Variants in ABCA1 observed in about 807,000 individuals in gnomAD.
ABCA1 encodes the protein phospholipid-transporting ATPase ABCA1.
In ABCA1, 133 loss-of-function variants were observed where a neutral mutation model predicts 262.5. The observed-to-expected ratio is 0.51, with a 90% CI of 0.44 to 0.59. The LOEUF (loss-of-function observed/expected upper bound fraction) is 0.59, where lower values mean the gene tolerates loss of function less well. ABCA1 is among the 20% of genes least tolerant of loss of function. The pLI, the probability that ABCA1 is intolerant of heterozygous loss-of-function variation, is 0.00. For missense variants in ABCA1, 2,452 were observed against 2,777.5 expected (o/e 0.88, Z 2.63); for synonymous variants, 1,022 against 1,043.5 (o/e 0.98, Z 0.40).
intron 7 of ABCA1, among the ~76,000 whole-genome samples, chr9:104,849,990 CAA>C (rs1835232896): frequency 6.6e-6 from 1 of 152,184 alleles, no homozygotes; most frequent in African/African-American, 2.4e-5. Flanking sequence ...AACTGCAAGA[CAA>C]GAGTTATCTC....
At chr9:104,880,429 A>G (rs1479153172) in intron 5 of ABCA1, among the ~76,000 whole-genome samples, 1 of 151,616 alleles carries the variant, frequency 6.6e-6, no homozygotes, top group African/African-American at 2.4e-5. Context: ...GAGCCCAGGA[A>G]TTCGAGGCTG....
chr9:104,811,144 C>G (rs1379446249), intron 28 of ABCA1, among the ~76,000 whole-genome samples: 5 of 152,344 alleles, frequency 3.3e-5, no homozygotes, highest in African/African-American at 1.2e-4. Context: ...AACACAAGGC[C>G]AGAGGTTATG....
chr9:104,817,457 C>T lies in ABCA1; in HGVS notation c.3463-53G>A, dbSNP rs371034113. 3.3e-5 allele frequency: 53 copies of T among 1,594,526 alleles called. No homozygotes were observed. In the Middle Eastern group the frequency reaches 6.6e-4, roughly 20 times the overall value. On this transcript the variant is annotated intron_variant, in intron 23 of 49. Transcript: ENST00000374736. This position sits in a 1 kb window ranked among gnomAD's most constrained non-coding sequence, Gnocchi z 4.7. ...GGTCAGGGACGGAGCAAGGCAGAGC[C>T]ACCAGCACCTTCGCCGGGGAGGGCT...
chr9:104,874,812 CGGGA>C (rs1837975736), intron 5 of ABCA1, among the ~76,000 whole-genome samples: 2 of 137,416 alleles, frequency 1.5e-5, no homozygotes, highest in Admixed American at 6.9e-5. Flanking sequence ...CCGCCCCGTC[CGGGA>C]GGGAGGTGGG....
In ABCA1 at chr9:104,816,134, T is replaced by C; in HGVS notation, c.3738+9A>G. 1 of 1,614,180 alleles carries C rather than the reference T, an allele frequency of 6.2e-7. No individual in the cohort carries two copies. The highest frequency in any genetic ancestry group is 8.5e-7 in the Non-Finnish European group (1 of 1,180,028). ...GCTATATATTCCGACAGTCAGCCAC[T>C]TAACTTACTTCTTCCAGGGTCGTCT... On this transcript the variant is annotated intron_variant, in intron 25 of 49. Coordinates refer to ENST00000374736, the MANE Select transcript of ABCA1 (RefSeq NM_005502.4).
intron 20 of ABCA1, among the ~76,000 whole-genome samples, chr9:104,820,935 C>A (rs942418976): frequency 2.0e-5 from 3 of 152,164 alleles, no homozygotes; most frequent in African/African-American, 7.2e-5. Context: ...CGGAGGTGAG[C>A]CTGCCATATT....
chr9:104,793,024 G>A, intron 41 of ABCA1, 118 bp from the exon 42 acceptor site: 1 of 1,585,538 alleles, frequency 6.3e-7, no homozygotes, highest in South Asian at 1.1e-5. Flanking sequence ...GGCAGGGAGG[G>A]GGCTGCGGGA....
chr9:104,798,579 C>T lies in ABCA1; in HGVS notation c.4963G>A (p.Val1655Ile). Residue 1655 changes from valine (V) to isoleucine (I), a missense_variant, in exon 37 of 50, where the codon GTC becomes ATC. This residue lies in a region of ABCA1 where 752 missense variants were observed against 944.5 expected (regional missense o/e 0.80). Transcript: ENST00000374736. ...AAGATGACACAGATGGACACAAGGACATCCACTGATGTGGTCATCCTGGAG... is the reference window on the plus strand; with the variant it reads ...AAGATGACACAGATGGACACAAGGATATCCACTGATGTGGTCATCCTGGAG... ...EVALMTTSVD[V>I]LVSICVIFAM... 2 of 1,614,142 alleles carry T rather than the reference C, an allele frequency of 1.2e-6. No homozygotes were observed. The highest frequency in any genetic ancestry group is 1.7e-6 in the Non-Finnish European group (2 of 1,180,004).
At chr9:104,916,307 C>G (rs997194651) in intron 1 of ABCA1, among the ~76,000 whole-genome samples, 3 of 152,146 alleles carry the variant, frequency 2.0e-5, no homozygotes, top group Non-Finnish European at 4.4e-5. Flanking sequence ...TTTAGGAAAC[C>G]CTCAACATTC....
chr9:104,781,374 G>C lies in ABCA1; in HGVS notation c.*2941C>G, dbSNP rs1828536077. Reference sequence around the variant, plus strand: ...GATGCAACAATTTTGAAAAGAATTAGAGCAATATTTCTACAGTATTACATT... The same window carrying C: ...GATGCAACAATTTTGAAAAGAATTACAGCAATATTTCTACAGTATTACATT... On this transcript the variant is annotated 3_prime_UTR_variant, in exon 50 of 50. Coordinates refer to ENST00000374736, the MANE Select transcript of ABCA1 (RefSeq NM_005502.4). 1.3e-5 allele frequency: 2 copies of C among 152,358 alleles called. No individual in the cohort carries two copies. Among genetic ancestry groups the C allele is most frequent in the Non-Finnish European group, 2.9e-5 (2 of 67,984 alleles). The allele number at this position is 152,358 out of a possible 1,614,324, so 9.4% of individuals were successfully genotyped here. A position where few individuals can be genotyped will look rare whatever the true frequency, so the allele number is the denominator to read the frequency against.
At chr9:104,876,010 C>T (rs1838134185) in intron 5 of ABCA1, among the ~76,000 whole-genome samples, 1 of 152,198 alleles carries the variant, frequency 6.6e-6, no homozygotes, top group Non-Finnish European at 1.5e-5. Context: ...GTGGCCATAA[C>T]TTTGGACAGG....
At chr9:104,877,144 T>TGAAA (rs1838233773) in intron 5 of ABCA1, among the ~76,000 whole-genome samples, 1 of 152,232 alleles carries the variant, frequency 6.6e-6, no homozygotes, top group African/African-American at 2.4e-5. Flanking sequence ...GGCAATTTTG[T>TGAAA]GAAAGAAAGA....
At chr9:104,917,908 ATT>A (rs1257516088) in intron 1 of ABCA1, among the ~76,000 whole-genome samples, 1 of 152,200 alleles carries the variant, frequency 6.6e-6, no homozygotes, top group Non-Finnish European at 1.5e-5. Flanking sequence ...GAGAAAAATA[ATT>A]TGTCTTCATC....
intron 8 of ABCA1, among the ~76,000 whole-genome samples, chr9:104,844,144 T>G (rs1160250765): frequency 1.3e-5 from 2 of 151,330 alleles, no homozygotes; most frequent in Non-Finnish European, 2.9e-5. Context: ...AGGCCAGAAA[T>G]GAACAAGGGA....
chr9:104,888,464 TTC>T (rs1477956703), intron 3 of ABCA1, among the ~76,000 whole-genome samples: 1 of 152,246 alleles, frequency 6.6e-6, no homozygotes, highest in Non-Finnish European at 1.5e-5. Context: ...GGTATTACTA[TTC>T]TCTGTTTAAA....
Position 104,781,612 on chromosome 9 carries a change from G to C in ABCA1, c.*2703C>G, listed in dbSNP as rs1021597713. 1.3e-5 allele frequency: 2 copies of C among 152,596 alleles called. No homozygotes were observed. Among genetic ancestry groups the C allele is most frequent in the African/African-American group, 4.8e-5 (2 of 41,456 alleles). 9.5% of individuals were successfully genotyped at this position (152,596 alleles called of 1,614,324 possible). On this transcript the variant is annotated 3_prime_UTR_variant, in exon 50 of 50. Coordinates refer to ENST00000374736, the MANE Select transcript of ABCA1 (RefSeq NM_005502.4). ...TCACAAAGCATTTGCTTTCAGTACA[G>C]ATAATGAAATACAGTAGTGTGAGGT...
rs141642492 is a variant in ABCA1 at position 104,838,077 on chromosome 9, G to C, written c.1055-510C>G. ...GCAGTGGCTCATGCCTGCAATCCCA[G>C]CACTTTGGGAGGCCAAGGCGGGCGA... On this transcript the variant is annotated intron_variant, in intron 9 of 49. Coordinates refer to ENST00000374736, the MANE Select transcript of ABCA1 (RefSeq NM_005502.4). Among the ~76,000 whole-genome samples, 899 of 152,306 alleles carry C rather than the reference G, an allele frequency of 5.9e-3. 2 individuals carry two copies. The highest frequency in any genetic ancestry group is 8.7e-3 in the Non-Finnish European group (595 of 68,014).
chr9:104,795,477 T>G (rs532760372), intron 39 of ABCA1, among the ~76,000 whole-genome samples: 7 of 152,304 alleles, frequency 4.6e-5, no homozygotes, highest in Admixed American at 2.0e-4. Flanking sequence ...GCATCTAGGA[T>G]AACTCTAAGA....
chr9:104,833,258 C>T (rs987728142), intron 11 of ABCA1, among the ~76,000 whole-genome samples: 5 of 152,278 alleles, frequency 3.3e-5, no homozygotes, highest in Non-Finnish European at 2.9e-5. Flanking sequence ...CACAGCTCAC[C>T]GCAGCCTTGA....
Sources: gnomAD v4.1 joint callset for allele counts (sites outside exome capture counted in the v4.1 genomes callset) on GRCh38, gnomAD v4.1.1 for gene constraint, gnomAD v4.1.1 regional missense constraint, Gnocchi (gnomAD v3.1) non-coding constraint, MANE v1.5 for transcripts, NCBI Gene and HGNC (gene_info 2026-07-23, HGNC 2026-07-21) for gene names.